Variants in CHST8 observed in about 807,000 individuals in gnomAD.
The protein encoded by CHST8 is GALNAC-4-ST1.
In CHST8, 10 loss-of-function variants were observed where a neutral mutation model predicts 15.0. That is an observed-to-expected ratio of 0.67 (90% CI 0.41 to 1.13). The LOEUF (loss-of-function observed/expected upper bound fraction) is 1.13. Ranked by LOEUF, CHST8 falls within the 50% of genes most tolerant of loss-of-function variation. CHST8 has a pLI of 0.00. For synonymous variants in CHST8, 259 were observed against 256.6 expected (o/e 1.01, Z -0.09); for missense variants, 634 against 608.2 (o/e 1.04, Z -0.45).
At chr19:33,738,888 C>A (rs991651178) in intron 3 of CHST8, among the ~76,000 whole-genome samples, 1 of 152,178 alleles carries the variant, frequency 6.6e-6, no homozygotes, top group Non-Finnish European at 1.5e-5. Flanking sequence ...CCGTGCCCGG[C>A]CGGAGTCCAA....
chr19:33,707,581 A>T (rs1973471372), intron 3 of CHST8, among the ~76,000 whole-genome samples: 2 of 151,994 alleles, frequency 1.3e-5, no homozygotes, highest in African/African-American at 4.8e-5. Context: ...TTTGATATTT[A>T]CTCATATCAG....
rs57474890 is a variant in CHST8 at position 33,772,490 on chromosome 19, G to A, written c.702G>A (p.Lys234=). The change falls in exon 5 of 5, where the codon AAG becomes AAA. Residue 234 remains lysine (K), a synonymous_variant. Coordinates refer to ENST00000650847, the MANE Select transcript of CHST8 (RefSeq NM_001127895.2). The part of the protein sequence containing the change: ...HNTVHYGSAL[K]RLDTFDRQGI... ...CCGTCCACTATGGCAGCGCTCTCAA[G>A]CGCCTGGACACCTTCGACCGCCAGG... 2,090 of 1,613,724 alleles carry A rather than the reference G, an allele frequency of 1.3e-3. 30 individuals carry two copies. In the African/African-American group the frequency reaches 0.024, roughly 18 times the overall value.
chr19:33,677,805 A>T (rs945975701), intron 2 of CHST8, among the ~76,000 whole-genome samples: 1 of 152,348 alleles, frequency 6.6e-6, no homozygotes. Flanking sequence ...AGGGTGCCTC[A>T]CTTGGCCTGG....
At chr19:33,649,995 G>T (rs73587170) in intron 1 of CHST8, among the ~76,000 whole-genome samples, 2,807 of 152,254 alleles carry the variant, frequency 0.018, 74 homozygotes, top group African/African-American at 0.064. Context: ...AAGTGTAGGG[G>T]TGTGTGACTT....
intron 3 of CHST8, among the ~76,000 whole-genome samples, chr19:33,757,758 A>C (rs973987133): frequency 1.1e-4 from 17 of 151,818 alleles, no homozygotes; most frequent in African/African-American, 3.9e-4. Flanking sequence ...TATGTTGCCC[A>C]GACTCAACAT....
In CHST8 at chr19:33,770,477, T is replaced by A. The variant is rs1974954262; in HGVS notation, c.131-936T>A. ...CCAGGTAGGGACTGGGGAAGGAGGC[T>A]CCAGCTTCTAAATAGATTCCCCCCA... On this transcript the variant is annotated intron_variant, in intron 3 of 4. Coordinates refer to ENST00000650847, the MANE Select transcript of CHST8 (RefSeq NM_001127895.2). Among the ~76,000 whole-genome samples the A allele has an allele frequency of 3.9e-5, 6 of 152,160 alleles. 1 individual carries two copies. In the South Asian group the frequency reaches 1.2e-3, roughly 32 times the overall value.
At position 33,757,466 on chromosome 19, in the gene CHST8, GA is replaced by G. The variant is rs1974591193; in HGVS notation, c.131-13944del. Among the ~76,000 whole-genome samples the G allele has an allele frequency of 5.5e-4, 22 of 39,648 alleles. 5 individuals carry two copies. Among genetic ancestry groups the G allele is most frequent in the Non-Finnish European group, 9.2e-4 (18 of 19,524 alleles). The allele number at this position is 39,648 out of a possible 152,430, so 26.0% of individuals were successfully genotyped here. On this transcript the variant is annotated intron_variant, in intron 3 of 4. Coordinates refer to ENST00000650847, the MANE Select transcript of CHST8 (RefSeq NM_001127895.2). ...AGAAAGAAAGAAAGAAAGAAAGAAAGAAAGAAAGAAAGAAAGAAAGAAAGAA... is the reference window on the plus strand; with the variant it reads ...AGAAAGAAAGAAAGAAAGAAAGAAAGAAGAAAGAAAGAAAGAAAGAAAGAA...
intron 1 of CHST8, among the ~76,000 whole-genome samples, chr19:33,652,373 T>TC (rs1491495844): frequency 9.2e-5 from 8 of 87,272 alleles, no homozygotes; most frequent in African/African-American, 2.9e-4. Flanking sequence ...TTTCTCTCTC[T>TC]TTTTTTTTTT....
chr19:33,721,743 C>T lies in CHST8; in HGVS notation c.130+32352C>T, dbSNP rs538806258. Among the ~76,000 whole-genome samples the T allele has an allele frequency of 8.0e-5, 12 of 150,418 alleles. No homozygotes were observed. The East Asian group carries it at 2.0e-3, about 25-fold the overall frequency. On this transcript the variant is annotated intron_variant, in intron 3 of 4. Transcript: ENST00000650847. ...GTGGATGGATAGATGAATGGAAGGA[C>T]GGATAGATGGATGGAAAGTTGGACA...
intron 3 of CHST8, among the ~76,000 whole-genome samples, chr19:33,757,569 AAAGAAAG>A (rs1974622824): frequency 7.1e-6 from 1 of 140,240 alleles, no homozygotes; most frequent in African/African-American, 2.8e-5. Flanking sequence ...AGAAAGAAAG[AAAGAAAG>A]AAAGAAAGAA....
intron 3 of CHST8, among the ~76,000 whole-genome samples, chr19:33,727,638 T>G (rs1973925856): frequency 6.6e-6 from 1 of 152,184 alleles, no homozygotes; most frequent in Non-Finnish European, 1.5e-5. Context: ...ATCTGGCCAT[T>G]TGCTCCCATT....
chr19:33,659,048 T>C (rs1031583295), intron 1 of CHST8, among the ~76,000 whole-genome samples: 1 of 149,686 alleles, frequency 6.7e-6, no homozygotes, highest in African/African-American at 2.5e-5. Context: ...TGTTTCATGG[T>C]TAGGTAATGA....
intron 3 of CHST8, among the ~76,000 whole-genome samples, chr19:33,720,814 G>A (rs1973775920): frequency 6.6e-6 from 1 of 152,252 alleles, no homozygotes; most frequent in African/African-American, 2.4e-5. Context: ...CCCCTTGCAG[G>A]GGTCAGCCTA....
intron 3 of CHST8, among the ~76,000 whole-genome samples, chr19:33,743,596 C>T (rs1026956969): frequency 5.9e-5 from 9 of 151,986 alleles, no homozygotes; most frequent in African/African-American, 1.4e-4. Flanking sequence ...CCACTGCGCC[C>T]GGCCTACCAC....
chr19:33,713,320 T>C (rs991770672), intron 3 of CHST8, among the ~76,000 whole-genome samples: 6 of 151,670 alleles, frequency 4.0e-5, no homozygotes, highest in African/African-American at 1.5e-4. Context: ...TTGGCTCCCC[T>C]GGTAGGCCAC....
chr19:33,762,742 CAT>C (rs138385727), intron 3 of CHST8, among the ~76,000 whole-genome samples: 9,837 of 152,292 alleles, frequency 0.065, 405 homozygotes, highest in Non-Finnish European at 0.088. Flanking sequence ...TTGCAAGATG[CAT>C]ATGTTTGGCA....
At chr19:33,747,985 G>A (rs1221882023) in intron 3 of CHST8, among the ~76,000 whole-genome samples, 1 of 152,100 alleles carries the variant, frequency 6.6e-6, no homozygotes, top group African/African-American at 2.4e-5. Context: ...GAAGGAACAT[G>A]GCCTGGGGAA....
At chr19:33,672,698 G>A (rs75972109) in intron 2 of CHST8, among the ~76,000 whole-genome samples, 1,685 of 152,262 alleles carry the variant, frequency 0.011, 25 homozygotes, top group African/African-American at 0.037. Context: ...GTTGGGGAAC[G>A]ATGAGAAATG....
intron 3 of CHST8, among the ~76,000 whole-genome samples, chr19:33,739,450 C>T (rs1432086048): frequency 6.6e-6 from 1 of 152,218 alleles, no homozygotes; most frequent in African/African-American, 2.4e-5. Flanking sequence ...CCTCAGATAT[C>T]CCAGAGAGTG....
Sources: gnomAD v4.1 joint callset for allele counts (sites outside exome capture counted in the v4.1 genomes callset) on GRCh38, gnomAD v4.1.1 for gene constraint, MANE v1.5 for transcripts, NCBI Gene and HGNC (gene_info 2026-07-23, HGNC 2026-07-21) for gene names.